The following ERC2 variants were observed in gnomAD, a reference collection of about 807,000 sequenced individuals.
The protein encoded by ERC2 is ELKS/RAB6-interacting/CAST family member 2.
Under a neutral mutation model 114.8 loss-of-function variants are expected in ERC2, and 42 were observed. That is an observed-to-expected ratio of 0.37 (90% CI 0.29 to 0.47). The LOEUF (loss-of-function observed/expected upper bound fraction) is 0.47, where lower values mean the gene tolerates loss of function less well. Ranked by LOEUF, ERC2 falls within the 20% of genes least tolerant of loss-of-function variation. The pLI, the probability that ERC2 is intolerant of heterozygous loss-of-function variation, is 0.99. For synonymous variants in ERC2, 454 were observed against 425.5 expected, an observed-to-expected ratio of 1.07 and a Z score of -0.82; for missense variants, 939 against 1,150.7, an observed-to-expected ratio of 0.82 and a Z score of 2.66.
intron 15 of ERC2, among the ~76,000 whole-genome samples, chr3:55,707,399 A>G (rs1398864976): frequency 2.0e-5 from 3 of 152,160 alleles, no homozygotes; most frequent in African/African-American, 7.2e-5. Context: ...TGATCATGCC[A>G]ATGCACTCCA....
At chr3:55,892,840 C>T (rs556493071) in intron 13 of ERC2, among the ~76,000 whole-genome samples, 9 of 152,218 alleles carry the variant, frequency 5.9e-5, no homozygotes, top group African/African-American at 2.2e-4. Flanking sequence ...TCTATCCACT[C>T]CTCATCTTCC....
intron 3 of ERC2, among the ~76,000 whole-genome samples, chr3:56,220,105 A>G (rs13323783): frequency 0.028 from 4,194 of 152,302 alleles, 64 homozygotes; most frequent in Middle Eastern, 0.054. Flanking sequence ...CTCCAGTCAC[A>G]GTGTCAGTAA....
chr3:56,089,422 T>C (rs2077669236), intron 6 of ERC2, among the ~76,000 whole-genome samples: 1 of 152,130 alleles, frequency 6.6e-6, no homozygotes, highest in Non-Finnish European at 1.5e-5. Flanking sequence ...ACATTTGTAC[T>C]TTTACATTTT....
chr3:55,528,522 T>C (rs1188963670), intron 17 of ERC2, among the ~76,000 whole-genome samples: 1 of 152,176 alleles, frequency 6.6e-6, no homozygotes, highest in Non-Finnish European at 1.5e-5. Flanking sequence ...TGTGCATAGA[T>C]ACTTTATTTG....
At chr3:56,098,583 C>T (rs1319217198) in intron 6 of ERC2, among the ~76,000 whole-genome samples, 1 of 152,198 alleles carries the variant, frequency 6.6e-6, no homozygotes. Flanking sequence ...GGAAATGTTT[C>T]AATGAGACTG....
intron 2 of ERC2, among the ~76,000 whole-genome samples, chr3:56,373,139 C>G (rs572156045): frequency 1.3e-5 from 2 of 152,098 alleles, no homozygotes; most frequent in Admixed American, 1.3e-4. Context: ...TTGAGATAAC[C>G]ACTAATTTCA....
intron 10 of ERC2, among the ~76,000 whole-genome samples, chr3:55,994,647 T>TA (rs10662566): frequency 0.1 from 6,347 of 61,346 alleles, 1,450 homozygotes; most frequent in African/African-American, 0.18. Context: ...ACATACTCCC[T>TA]AAAAAAAAAA....
chr3:56,116,476 C>T (rs2079241128), intron 6 of ERC2, among the ~76,000 whole-genome samples: 1 of 152,200 alleles, frequency 6.6e-6, no homozygotes, highest in Non-Finnish European at 1.5e-5. Flanking sequence ...CAGGCATCTA[C>T]AGAAGGAACA....
chr3:55,710,565 T>A (rs190983104), intron 15 of ERC2, among the ~76,000 whole-genome samples: 420 of 152,260 alleles, frequency 2.8e-3, no homozygotes, highest in African/African-American at 9.3e-3. Flanking sequence ...TAGTCACCTA[T>A]TTAAGGTGGA....
intron 14 of ERC2, among the ~76,000 whole-genome samples, chr3:55,744,484 A>C (rs1259393725): frequency 6.6e-6 from 1 of 152,244 alleles, no homozygotes; most frequent in Non-Finnish European, 1.5e-5. Context: ...TTGTAACTTC[A>C]CCTTAGCCTC....
chr3:55,542,491 C>A (rs1311500727), intron 17 of ERC2, among the ~76,000 whole-genome samples: 1 of 152,070 alleles, frequency 6.6e-6, no homozygotes, highest in Non-Finnish European at 1.5e-5. Context: ...CTGTCAGGAC[C>A]AAAACTCATC....
intron 2 of ERC2, among the ~76,000 whole-genome samples, chr3:56,368,152 C>G (rs2059222241): frequency 7.0e-6 from 1 of 142,690 alleles, no homozygotes; most frequent in African/African-American, 2.6e-5. Flanking sequence ...CCCCTTGAAT[C>G]TACAATAAAA....
At chr3:55,809,737 T>C (rs1219150044) in intron 14 of ERC2, among the ~76,000 whole-genome samples, 1 of 152,060 alleles carries the variant, frequency 6.6e-6, no homozygotes, top group Non-Finnish European at 1.5e-5. Flanking sequence ...TACAAGCTGG[T>C]TGGCATCCGT....
intron 2 of ERC2, among the ~76,000 whole-genome samples, chr3:56,425,560 CTT>C (rs67210393): frequency 2.4e-4 from 30 of 123,986 alleles, no homozygotes; most frequent in South Asian, 1.1e-3. Context: ...GACCCTTTTT[CTT>C]TTTTTTTTTT....
Position 55,561,299 on chromosome 3 carries a change from T to C in ERC2, c.*40-50023A>G, listed in dbSNP as rs148924364. On this transcript the variant is annotated intron_variant, in intron 17 of 17. Coordinates refer to ENST00000288221, the MANE Select transcript of ERC2 (RefSeq NM_015576.3). ...TCCCTGGTTTTTCATTTTTTCCGTG[T>C]GTCCATTATGGCTTTGGACAAGCTC... Among the ~76,000 whole-genome samples, 222 of 152,302 alleles carry C rather than the reference T, an allele frequency of 1.5e-3. 2 individuals carry two copies. The highest frequency in any genetic ancestry group is 4.8e-3 in the African/African-American group (199 of 41,574).
chr3:55,722,047 T>A (rs1306433773), intron 15 of ERC2, among the ~76,000 whole-genome samples: 3 of 152,166 alleles, frequency 2.0e-5, no homozygotes, highest in Non-Finnish European at 2.9e-5. Flanking sequence ...CTTGTGGGTT[T>A]TCACTGTTTT....
intron 17 of ERC2, among the ~76,000 whole-genome samples, chr3:55,542,380 T>C (rs2054457292): frequency 1.3e-5 from 2 of 152,236 alleles, no homozygotes; most frequent in Admixed American, 6.5e-5. Flanking sequence ...ACTGTGGCTC[T>C]GTGAAAAGAG....
intron 16 of ERC2, among the ~76,000 whole-genome samples, chr3:55,691,192 T>C (rs146082784): frequency 2.0e-5 from 3 of 152,264 alleles, no homozygotes; most frequent in African/African-American, 7.2e-5. Context: ...GGATTTTTAG[T>C]AGTCTCTGAG....
chr3:55,877,429 T>C (rs934245332), intron 14 of ERC2, among the ~76,000 whole-genome samples: 1 of 152,300 alleles, frequency 6.6e-6, no homozygotes, highest in South Asian at 2.1e-4. Context: ...AGTCAGGCTA[T>C]GAACTAGAGT....
Sources: gnomAD v4.1 joint callset for allele counts (sites outside exome capture counted in the v4.1 genomes callset) on GRCh38, gnomAD v4.1.1 for gene constraint, MANE v1.5 for transcripts, NCBI Gene and HGNC (gene_info 2026-07-23, HGNC 2026-07-21) for gene names.